The following RAPGEF6 variants were observed in gnomAD, a reference collection of about 807,000 sequenced individuals.
RAPGEF6 encodes the protein Rap guanine nucleotide exchange factor 6, also known as PDZ domain containing guanine nucleotide exchange factor (GEF) 2.
RAPGEF6 carries 56 observed loss-of-function variants against 171.4 expected under a neutral mutation model. The ratio of observed to expected loss-of-function variants is 0.33; its 90% confidence interval spans 0.26 to 0.41. The LOEUF is 0.41. Ranked by LOEUF, RAPGEF6 falls within the 10% of genes least tolerant of loss-of-function variation. The probability of loss-of-function intolerance (pLI) is 1.00; values close to 1 mark genes in which losing one functional copy is unlikely to be tolerated. For synonymous variants in RAPGEF6, 692 were observed against 650.1 expected (o/e 1.06, Z -0.98); for missense variants, 1,674 against 1,921.4 (o/e 0.87, Z 2.41).
At chr5:131,533,762 G>A (rs541845946) in intron 6 of RAPGEF6, among the ~76,000 whole-genome samples, 1 of 152,148 alleles carries the variant, frequency 6.6e-6, no homozygotes, top group South Asian at 2.1e-4. Context: ...GCCCAATGCT[G>A]AATTCCTAGA....
intron 4 of RAPGEF6, among the ~76,000 whole-genome samples, chr5:131,582,153 A>G (rs1471686352): frequency 6.6e-6 from 1 of 152,192 alleles, no homozygotes; most frequent in African/African-American, 2.4e-5. Flanking sequence ...GCCTGCTCAG[A>G]TGGTCTCTTA....
chr5:131,621,310 G>C (rs1223223409), intron 1 of RAPGEF6, among the ~76,000 whole-genome samples: 1 of 151,306 alleles, frequency 6.6e-6, no homozygotes, highest in Non-Finnish European at 1.5e-5. Context: ...TTTTTTTTCA[G>C]ACAGGGTCTC....
At chr5:131,460,247 ACT>A (rs1753821290) in intron 19 of RAPGEF6, among the ~76,000 whole-genome samples, 1 of 151,132 alleles carries the variant, frequency 6.6e-6, no homozygotes, top group African/African-American at 2.4e-5. Context: ...CTCTCAAATC[ACT>A]CTCTTTCATT....
At chr5:131,479,194 C>A (rs1378910729) in intron 16 of RAPGEF6, among the ~76,000 whole-genome samples, 1 of 151,238 alleles carries the variant, frequency 6.6e-6, no homozygotes, top group Non-Finnish European at 1.5e-5. Context: ...GTGAATAAGT[C>A]CCAAGATTTA....
chr5:131,464,403 T>A (rs573546941), intron 17 of RAPGEF6, 122 bp from the exon 18 acceptor site: 3 of 728,626 alleles, frequency 4.1e-6, no homozygotes, highest in South Asian at 3.3e-5. Flanking sequence ...TATTTCACAA[T>A]ATTAACAGAA....
chr5:131,436,350 C>A, intron 24 of RAPGEF6: 1 of 1,537,644 alleles, frequency 6.5e-7, no homozygotes, highest in African/African-American at 1.4e-5. Flanking sequence ...GGCCACTGAT[C>A]TTGCTGCTGT....
intron 5 of RAPGEF6, 127 bp from the exon 6 acceptor site, chr5:131,548,317 A>C (rs1286439653): frequency 1.2e-6 from 1 of 850,560 alleles, no homozygotes; most frequent in African/African-American, 1.7e-5. Context: ...TCAAGAAAAC[A>C]GTCTGTATAG....
chr5:131,607,958 T>A (rs1400552014), intron 1 of RAPGEF6, among the ~76,000 whole-genome samples: 3 of 152,072 alleles, frequency 2.0e-5, no homozygotes, highest in Non-Finnish European at 2.9e-5. Context: ...CATCCGGAAA[T>A]ATCTAAAGTG....
At chr5:131,494,542 G>A (rs748049504) in intron 13 of RAPGEF6, among the ~76,000 whole-genome samples, 18 of 152,148 alleles carry the variant, frequency 1.2e-4, no homozygotes, top group Non-Finnish European at 2.2e-4. Flanking sequence ...ATGCAGAACT[G>A]GAAAATAAAA....
At chr5:131,502,455 G>A (rs1350281089) in intron 11 of RAPGEF6, among the ~76,000 whole-genome samples, 1 of 152,154 alleles carries the variant, frequency 6.6e-6, no homozygotes, top group South Asian at 2.1e-4. Context: ...ACACCAACAT[G>A]ATCAGTAATC....
At chr5:131,475,578 T>C (rs1755041106) in intron 16 of RAPGEF6, among the ~76,000 whole-genome samples, 1 of 152,210 alleles carries the variant, frequency 6.6e-6, no homozygotes, top group African/African-American at 2.4e-5. Context: ...AACACAGAGA[T>C]GTTACTTAGG....
chr5:131,504,475 AT>A, intron 11 of RAPGEF6, 150 bp downstream of exon 11: 14 of 839,930 alleles, frequency 1.7e-5, no homozygotes, highest in South Asian at 4.8e-5. Flanking sequence ...AAAAAAAAAA[AT>A]TTTAGAGAAA....
At chr5:131,473,279 T>A (rs1414333356) in intron 16 of RAPGEF6, among the ~76,000 whole-genome samples, 1 of 151,990 alleles carries the variant, frequency 6.6e-6, no homozygotes, top group African/African-American at 2.4e-5. Context: ...AGAAAAAAAA[T>A]AGAATTATGA....
chr5:131,517,046 C>T (rs1447142730), intron 7 of RAPGEF6, among the ~76,000 whole-genome samples: 1 of 152,154 alleles, frequency 6.6e-6, no homozygotes, highest in Non-Finnish European at 1.5e-5. Flanking sequence ...CATGTTCTTA[C>T]TTATAAGTGG....
chr5:131,552,839 T>C (rs1761005084), intron 5 of RAPGEF6, among the ~76,000 whole-genome samples: 1 of 151,560 alleles, frequency 6.6e-6, no homozygotes, highest in African/African-American at 2.4e-5. Flanking sequence ...CATAGACAAA[T>C]ATAAAAAAAT....
chr5:131,521,840 TACACACACACACACACACACAC>T (rs3992018), intron 6 of RAPGEF6, among the ~76,000 whole-genome samples: 95 of 97,254 alleles, frequency 9.8e-4, no homozygotes, highest in African/African-American at 2.5e-3. Context: ...AATGTTACCC[TACACACACACACACACACACAC>T]ACACACACAC....
intron 24 of RAPGEF6, among the ~76,000 whole-genome samples, chr5:131,438,369 T>A (rs181569721): frequency 6.6e-6 from 1 of 152,196 alleles, no homozygotes; most frequent in African/African-American, 2.4e-5. Context: ...TCACTGTACA[T>A]AATTGCCACA....
chr5:131,466,159 A>C (rs1473406166), intron 17 of RAPGEF6, among the ~76,000 whole-genome samples: 5 of 151,848 alleles, frequency 3.3e-5, no homozygotes, highest in Non-Finnish European at 5.9e-5. Flanking sequence ...ATACATGAAT[A>C]TAATTCCAGG....
intron 5 of RAPGEF6, among the ~76,000 whole-genome samples, chr5:131,558,479 T>G (rs1269626576): frequency 1.3e-5 from 2 of 151,972 alleles, no homozygotes; most frequent in African/African-American, 4.8e-5. Flanking sequence ...TTTATGCCAC[T>G]GATATTTATT....
Sources: allele counts gnomAD v4.1 joint callset (sites outside exome capture counted in the v4.1 genomes callset), GRCh38; gene constraint gnomAD v4.1.1; transcripts MANE v1.5; gene names NCBI Gene and HGNC (gene_info 2026-07-23, HGNC 2026-07-21).